The following ELP1 variants were observed in gnomAD, a reference collection of about 807,000 sequenced individuals.
ELP1 encodes elongator complex protein 1.
In ELP1, 131 loss-of-function variants were observed where a neutral mutation model predicts 183.2. The observed-to-expected ratio is 0.72, with a 90% CI of 0.62 to 0.83. The LOEUF is 0.83. Among genes scored for constraint, ELP1 ranks in the 40% least tolerant of loss-of-function variants. The pLI is 0.00. For missense variants in ELP1, 1,550 were observed against 1,594.9 expected (o/e 0.97, Z 0.48); for synonymous variants, 555 against 569.0 (o/e 0.98, Z 0.35).
intron 8 of ELP1, among the ~76,000 whole-genome samples, chr9:108,918,225 T>A (rs1168349583): frequency 6.6e-6 from 1 of 152,154 alleles, no homozygotes; most frequent in East Asian, 1.9e-4. Flanking sequence ...ACAACAGATA[T>A]CACCGAAACA....
intron 3 of ELP1, 27 bp downstream of exon 3, chr9:108,929,742 C>G (rs777232919): frequency 3.1e-6 from 5 of 1,611,632 alleles, no homozygotes; most frequent in Non-Finnish European, 4.2e-6. Flanking sequence ...GCTTGAGACT[C>G]CCCCCTCACT....
chr9:108,898,594 G>A lies in ELP1; in HGVS notation c.2284-13C>T. The A allele has an allele frequency of 6.2e-7, 1 of 1,605,550 alleles. No individual in the cohort carries two copies. Among genetic ancestry groups the A allele is most frequent in the Non-Finnish European group, 8.5e-7 (1 of 1,172,808 alleles). On this transcript the variant is annotated splice_polypyrimidine_tract_variant and intron_variant, in intron 21 of 36. Coordinates refer to ENST00000374647, the MANE Select transcript of ELP1 (RefSeq NM_003640.5). ...TTCCAAGAAACACCTACCAAAAAAAGGACAAAACATCTTCGTTCAGATCAT... is the reference window on the plus strand; with the variant it reads ...TTCCAAGAAACACCTACCAAAAAAAAGACAAAACATCTTCGTTCAGATCAT...
At chr9:108,894,103 A>T (rs1183083562) in intron 25 of ELP1, 37 bp from the exon 26 acceptor site, 1 of 1,242,414 alleles carries the variant, frequency 8.0e-7, no homozygotes, top group Non-Finnish European at 1.2e-6. Context: ...ATTACTTGTG[A>T]TATTCATATA....
rs1355083059 is a variant in ELP1, at chr9:108,891,368, C to A, written c.2995G>T (p.Glu999Ter). 6.2e-7 allele frequency: 1 copy of A among 1,613,950 alleles called. No homozygotes were observed. The highest frequency in any genetic ancestry group is 8.5e-7 in the Non-Finnish European group (1 of 1,180,018). The change falls in exon 28 of 37, where the codon GAG (glutamate) becomes TAG (stop). Residue 999 changes from glutamate (E) to a stop codon, truncating the protein, a stop_gained. Transcript: ENST00000374647. LOFTEE classifies it high-confidence loss of function. ...AGCCCCGCTGGCTCATACATGTGCT[C>A]CTGCATCAGGTGCTCCCCATAAGCA... is the stretch of plus-strand genomic sequence containing the variant. The part of the protein sequence containing the change: ...SIAYGEHLMQ[E>*]HMYEPAGLMF...
chr9:108,870,362 G>T (rs897156688), intron 36 of ELP1, among the ~76,000 whole-genome samples: 2 of 152,122 alleles, frequency 1.3e-5, no homozygotes, highest in Non-Finnish European at 2.9e-5. Context: ...CAAATGTTTT[G>T]TATGTTATAT....
chr9:108,933,339 G>A (rs1830061679), intron 1 of ELP1, among the ~76,000 whole-genome samples: 1 of 152,096 alleles, frequency 6.6e-6, no homozygotes, highest in Non-Finnish European at 1.5e-5. Flanking sequence ...TTTACGATCC[G>A]GTTTGTGGCC....
chr9:108,930,379 T>C (rs1564109724), intron 2 of ELP1, among the ~76,000 whole-genome samples: 1 of 152,188 alleles, frequency 6.6e-6, no homozygotes, highest in Non-Finnish European at 1.5e-5. Flanking sequence ...ACATGAGATG[T>C]GGGCTCAAAC....
At chr9:108,870,516 A>G (rs1205105004) in intron 36 of ELP1, among the ~76,000 whole-genome samples, 1 of 152,200 alleles carries the variant, frequency 6.6e-6, no homozygotes, top group African/African-American at 2.4e-5. Flanking sequence ...CACGTTGAGT[A>G]GGCTGAAGTA....
At position 108,882,129 on chromosome 9, in the gene ELP1, C is replaced by T. The variant is rs200941360; in HGVS notation, c.3281G>A (p.Arg1094Lys). ...LEGAAWEEAL[R>K]LVYKYNRLDI... ...GAGGATTTACAAGATTCTTACCAGC[C>T]TCAAAGCTTCTTCCCAGGCAGCTCC... Residue 1094 changes from arginine (R) to lysine (K), a missense_variant, in exon 30 of 37, where the codon AGG (arginine) becomes AAG (lysine). By Grantham distance (26) the Arg-to-Lys change is conservative (BLOSUM62 2). Coordinates refer to ENST00000374647, the MANE Select transcript of ELP1 (RefSeq NM_003640.5). 7.7e-5 allele frequency: 124 copies of T among 1,613,462 alleles called. No individual in the cohort carries two copies. Among genetic ancestry groups the T allele is most frequent in the Non-Finnish European group, 9.7e-5 (115 of 1,179,700 alleles).
At chr9:108,899,945 A>G (rs1564086669) in intron 19 of ELP1, 50 bp from the exon 20 acceptor site, 4 of 1,436,600 alleles carry the variant, frequency 2.8e-6, no homozygotes, top group Non-Finnish European at 3.9e-6. Context: ...AAAACATTTA[A>G]ATAGCCAGGA....
At chr9:108,872,804 GAAAAAAAA>G (rs58139943) in intron 36 of ELP1, among the ~76,000 whole-genome samples, 7 of 83,380 alleles carry the variant, frequency 8.4e-5, no homozygotes, top group African/African-American at 6.0e-4. Context: ...GACTCTGTCT[GAAAAAAAA>G]AAAAAAAAAA....
rs1275065654 is a variant in ELP1 at position 108,900,261 on chromosome 9, T to A, written c.2129A>T (p.Gln710Leu). 1 of 1,608,750 alleles carries A rather than the reference T, an allele frequency of 6.2e-7. No homozygotes were observed. The highest frequency in any genetic ancestry group is 1.7e-5 in the Admixed American group (1 of 60,016). Residue 710 changes from glutamine to leucine, a missense_variant and splice_region_variant, in exon 19 of 37, where the codon CAG becomes CTG. Gln to Leu is a moderately radical substitution (Grantham distance 113, BLOSUM62 -2). Transcript: ENST00000374647. ...VVPQDTKLVL[Q>L]MPRGNLEVVH... is the part of the protein sequence containing the mutation. ...ATCTTGTCTGAAAAACCAGCTTACC[T>A]GTAATACAAGCTTTGTGTCCTGGGG...
Position 108,918,868 on chromosome 9 carries a change from AACTCTCGGTTCCAC to A in ELP1, c.669_682del (p.Trp224CysfsTer7). On this transcript the variant is annotated frameshift_variant, in exon 8 of 37. Transcript: ENST00000374647. LOFTEE classifies it high-confidence loss of function. Reference sequence around the variant, plus strand: ...AGGCTCACTGGTTGACTGCAAAGCAAACTCTCGGTTCCACACTCTGACCTTCCGAGCCCCTGTGC... The same window carrying A: ...AGGCTCACTGGTTGACTGCAAAGCAAACTCTGACCTTCCGAGCCCCTGTGC... The A allele has an allele frequency of 6.2e-7, 1 of 1,614,164 alleles. No individual in the cohort carries two copies. Among genetic ancestry groups the A allele is most frequent in the Non-Finnish European group, 8.5e-7 (1 of 1,180,016 alleles).
intron 27 of ELP1, 127 bp from the exon 28 acceptor site, chr9:108,891,531 G>T: frequency 1.2e-6 from 1 of 829,944 alleles, no homozygotes; most frequent in Non-Finnish European, 2.0e-6. Context: ...AAATCTTACA[G>T]TTGATCAGTT....
Position 108,882,285 on chromosome 9 carries a change from C to T in ELP1, c.3223-98G>A. On this transcript the variant is annotated intron_variant, in intron 29 of 36. Coordinates refer to ENST00000374647, the MANE Select transcript of ELP1 (RefSeq NM_003640.5). The stretch of plus-strand genomic sequence containing the variant: ...TAACCACAGACCTGCCTCTATCTCC[C>T]TGGCCAGGGGAGAACTCCTAGTTCT... 7 of 986,536 alleles carry T rather than the reference C, an allele frequency of 7.1e-6. No homozygotes were observed. In the South Asian group the frequency reaches 9.2e-5, roughly 13 times the overall value. The allele number at this position is 986,536 out of a possible 1,614,324, so 61.1% of individuals were successfully genotyped here. A position where few individuals can be genotyped will look rare whatever the true frequency, so the allele number is the denominator to read the frequency against.
At chr9:108,883,039 A>G (rs972664021) in intron 29 of ELP1, among the ~76,000 whole-genome samples, 1 of 152,220 alleles carries the variant, frequency 6.6e-6, no homozygotes, top group Non-Finnish European at 1.5e-5. Context: ...GATACACAAA[A>G]GTTCTTAATT....
In ELP1 at chr9:108,902,958, A is replaced by G; in HGVS notation, c.1751-16T>C. On this transcript the variant is annotated splice_polypyrimidine_tract_variant and intron_variant, in intron 15 of 36. Transcript: ENST00000374647. ...GAAGGTGACTCTGCAAGATTCACAGATCTAGTTCACAAATAGCTGATGCGC... is the reference window on the plus strand; with the variant it reads ...GAAGGTGACTCTGCAAGATTCACAGGTCTAGTTCACAAATAGCTGATGCGC... 2 of 1,596,126 alleles carry G rather than the reference A, an allele frequency of 1.3e-6. No individual in the cohort carries two copies. Among genetic ancestry groups the G allele is most frequent in the Non-Finnish European group, 1.7e-6 (2 of 1,163,670 alleles).
intron 29 of ELP1, 110 bp from the exon 30 acceptor site, chr9:108,882,297 G>T: frequency 1.2e-6 from 1 of 830,918 alleles, no homozygotes; most frequent in Non-Finnish European, 2.0e-6. Context: ...GGCCAGGGGA[G>T]AACTCCTAGT....
intron 16 of ELP1, 126 bp from the exon 17 acceptor site, chr9:108,901,807 T>C (rs1023673088): frequency 1.1e-6 from 1 of 912,274 alleles, no homozygotes; most frequent in Admixed American, 2.0e-5. Context: ...GGACTAAAGA[T>C]AGATACCTAA....
Sources: gnomAD v4.1 joint callset for allele counts (sites outside exome capture counted in the v4.1 genomes callset) on GRCh38, gnomAD v4.1.1 for gene constraint, MANE v1.5 for transcripts, NCBI Gene and HGNC (gene_info 2026-07-23, HGNC 2026-07-21) for gene names.